NXPH1: variants seen among roughly 807,000 people sequenced by gnomAD.
The protein encoded by NXPH1 is neurexophilin 1, also known as neurexophilin-1.
A neutral mutation model predicts 23.7 loss-of-function variants in NXPH1; 5 were observed. The ratio of observed to expected loss-of-function variants is 0.21; its 90% CI spans 0.11 to 0.44. The LOEUF (loss-of-function observed/expected upper bound fraction) is 0.44. NXPH1 is among the 20% of genes least tolerant of loss of function. The pLI is 0.99. For synonymous variants in NXPH1, 144 were observed against 122.2 expected (o/e 1.18, Z -1.18); for missense variants, 324 against 321.6 (o/e 1.01, Z -0.06).
Position 8,569,849 on chromosome 7 carries a change from C to T in NXPH1, c.54+134082C>T, listed in dbSNP as rs188769655. 4.6e-5 allele frequency among the ~76,000 whole-genome samples: 7 copies of T among 151,996 alleles called. No homozygotes were observed. The East Asian group carries it at 1.2e-3, about 25-fold the overall frequency. ...TTATTTATTAGGAGAGGGATACCTA[C>T]GGTATTACTTTGGTCTATTACTGGT... is the stretch of plus-strand genomic sequence containing the variant. On this transcript the variant is annotated intron_variant, in intron 2 of 2. Coordinates refer to ENST00000405863, the MANE Select transcript of NXPH1 (RefSeq NM_152745.3).
intron 2 of NXPH1, among the ~76,000 whole-genome samples, chr7:8,656,417 T>TC (rs1820582623): frequency 6.6e-6 from 1 of 152,296 alleles, no homozygotes; most frequent in Middle Eastern, 3.4e-3. Context: ...AGCAAGGTGT[T>TC]GTTATCCCCA....
At chr7:8,571,610 T>G (rs1042630306) in intron 2 of NXPH1, among the ~76,000 whole-genome samples, 8 of 151,926 alleles carry the variant, frequency 5.3e-5, no homozygotes, top group African/African-American at 1.9e-4. Flanking sequence ...GACATATCCC[T>G]CTCTACTGTT....
chr7:8,746,222 G>C (rs1780467613), intron 2 of NXPH1, among the ~76,000 whole-genome samples: 2 of 122,810 alleles, frequency 1.6e-5, no homozygotes, highest in Admixed American at 8.4e-5. Context: ...CTTTGCTAAG[G>C]AACCTTCCTG....
chr7:8,553,909 T>C (rs1818314721), intron 2 of NXPH1, among the ~76,000 whole-genome samples: 1 of 151,686 alleles, frequency 6.6e-6, no homozygotes, highest in Non-Finnish European at 1.5e-5. Flanking sequence ...TCCTGTGGCA[T>C]TGGAAAAATT....
intron 2 of NXPH1, among the ~76,000 whole-genome samples, chr7:8,555,354 C>T (rs544086900): frequency 2.8e-4 from 43 of 151,638 alleles, no homozygotes; most frequent in Middle Eastern, 3.2e-3. Context: ...TGTAAGGAAT[C>T]TGCTTAGACA....
intron 2 of NXPH1, among the ~76,000 whole-genome samples, chr7:8,572,431 T>C (rs1275656917): frequency 6.6e-6 from 1 of 152,056 alleles, no homozygotes; most frequent in Non-Finnish European, 1.5e-5. Context: ...CTTCCTGTGC[T>C]TATGATAAAA....
chr7:8,622,709 T>TA (rs1379196833), intron 2 of NXPH1, among the ~76,000 whole-genome samples: 1 of 152,208 alleles, frequency 6.6e-6, no homozygotes, highest in Non-Finnish European at 1.5e-5. Flanking sequence ...ATTTATTAGG[T>TA]AAAAGTATAT....
chr7:8,600,982 A>T (rs1819345966), intron 2 of NXPH1, among the ~76,000 whole-genome samples: 1 of 152,108 alleles, frequency 6.6e-6, no homozygotes, highest in Admixed American at 6.5e-5. Context: ...TTTACATAAA[A>T]TTTATTGCAT....
At chr7:8,739,482 G>A (rs1235993631) in intron 2 of NXPH1, among the ~76,000 whole-genome samples, 1 of 152,094 alleles carries the variant, frequency 6.6e-6, no homozygotes, top group Non-Finnish European at 1.5e-5. Flanking sequence ...TGCACGCACT[G>A]TCTAACCATT....
chr7:8,543,265 T>C (rs977951041), intron 2 of NXPH1, among the ~76,000 whole-genome samples: 1 of 151,622 alleles, frequency 6.6e-6, no homozygotes, highest in African/African-American at 2.4e-5. Context: ...TATTAATACC[T>C]TTTCCTTCCA....
At chr7:8,657,986 C>G (rs1444399968) in intron 2 of NXPH1, among the ~76,000 whole-genome samples, 2 of 152,168 alleles carry the variant, frequency 1.3e-5, no homozygotes, top group African/African-American at 4.8e-5. Context: ...CGAGATCGTG[C>G]CACTGCACTC....
chr7:8,663,254 A>G (rs1207931067), intron 2 of NXPH1, among the ~76,000 whole-genome samples: 2 of 152,092 alleles, frequency 1.3e-5, no homozygotes, highest in African/African-American at 4.8e-5. Context: ...AATTCTGGCT[A>G]ATTCTGCCTT....
chr7:8,740,196 G>A (rs1452068366), intron 2 of NXPH1, among the ~76,000 whole-genome samples: 1 of 152,144 alleles, frequency 6.6e-6, no homozygotes, highest in Admixed American at 6.5e-5. Context: ...CATGTGTTGT[G>A]CTCAAACTGC....
At chr7:8,453,234 C>A (rs1261403023) in intron 2 of NXPH1, among the ~76,000 whole-genome samples, 1 of 152,114 alleles carries the variant, frequency 6.6e-6, no homozygotes, top group African/African-American at 2.4e-5. Flanking sequence ...TCATCATAAA[C>A]GTATTACCCT....
At chr7:8,595,257 G>A (rs967746227) in intron 2 of NXPH1, among the ~76,000 whole-genome samples, 1 of 151,884 alleles carries the variant, frequency 6.6e-6, no homozygotes, top group East Asian at 1.9e-4. Flanking sequence ...ATGTCACTTC[G>A]AGCAACCCCA....
chr7:8,566,812 A>C (rs996052493), intron 2 of NXPH1, among the ~76,000 whole-genome samples: 4 of 151,624 alleles, frequency 2.6e-5, no homozygotes, highest in African/African-American at 9.7e-5. Context: ...CTCCCTCATC[A>C]TCTGAGCCAA....
intron 2 of NXPH1, among the ~76,000 whole-genome samples, chr7:8,695,041 A>AG (rs1821284239): frequency 6.6e-6 from 1 of 152,230 alleles, no homozygotes; most frequent in African/African-American, 2.4e-5. Flanking sequence ...TGGCAGAACT[A>AG]GGATATCAAC....
chr7:8,689,704 C>T (rs1821198132), intron 2 of NXPH1, among the ~76,000 whole-genome samples: 1 of 152,136 alleles, frequency 6.6e-6, no homozygotes, highest in South Asian at 2.1e-4. Context: ...TGGACAAACT[C>T]AGTCAGAAAG....
At chr7:8,586,686 A>G (rs1350139790) in intron 2 of NXPH1, among the ~76,000 whole-genome samples, 1 of 151,800 alleles carries the variant, frequency 6.6e-6, no homozygotes. Flanking sequence ...CACATACTGT[A>G]AGTTGGAGAT....
Sources: allele counts gnomAD v4.1 joint callset (sites outside exome capture counted in the v4.1 genomes callset), GRCh38; gene constraint gnomAD v4.1.1; transcripts MANE v1.5; gene names NCBI Gene and HGNC (gene_info 2026-07-23, HGNC 2026-07-21).